Variants in CSMD1 observed in about 807,000 individuals in gnomAD.
CSMD1 encodes the protein CUB and Sushi multiple domains 1.
CSMD1 carries 213 observed loss-of-function variants against 417.5 expected under a neutral mutation model. The ratio of observed to expected loss-of-function variants is 0.51; its 90% CI spans 0.46 to 0.57. The LOEUF is 0.57. CSMD1 is among the 20% of genes least tolerant of loss of function. CSMD1 has a pLI of 0.00. For synonymous variants in CSMD1, 2,862 were observed against 1,736.8 expected (o/e 1.65, Z -16.11); for missense variants, 6,923 against 4,529.7 (o/e 1.53, Z -15.17).
intron 4 of CSMD1, among the ~76,000 whole-genome samples, chr8:4,003,914 G>A (rs1411724698): frequency 1.3e-5 from 2 of 149,250 alleles, no homozygotes; most frequent in South Asian, 2.2e-4. Context: ...TACCAAAAGA[G>A]AAATGTTTTT....
At chr8:3,590,356 C>G (rs1406158691) in intron 8 of CSMD1, among the ~76,000 whole-genome samples, 1 of 151,962 alleles carries the variant, frequency 6.6e-6, no homozygotes, top group Non-Finnish European at 1.5e-5. Flanking sequence ...TCTATTAGAC[C>G]GTTCCTTTCT....
intron 1 of CSMD1, among the ~76,000 whole-genome samples, chr8:4,832,798 A>C (rs1800231368): frequency 6.6e-6 from 1 of 152,188 alleles, no homozygotes; most frequent in Non-Finnish European, 1.5e-5. Context: ...GAGAGCCGAG[A>C]CATTCATCCT....
intron 3 of CSMD1, among the ~76,000 whole-genome samples, chr8:4,192,201 G>C (rs1036243342): frequency 6.6e-6 from 1 of 152,070 alleles, no homozygotes; most frequent in Non-Finnish European, 1.5e-5. Context: ...AAAAATCAAA[G>C]TTAAAACAGC....
rs1585371684 is a variant in CSMD1, at chr8:4,637,531, C to A, written c.113G>T (p.Gly38Val). 2 of 1,613,396 alleles carry A rather than the reference C, an allele frequency of 1.2e-6. No individual in the cohort carries two copies. The highest frequency in any genetic ancestry group is 1.3e-5 in the African/African-American group (1 of 74,834). Residue 38 changes from glycine (G) to valine (V), a missense_variant, in exon 2 of 70, where the codon GGT becomes GTT. Physicochemically the swap from Gly to Val is moderately radical, Grantham distance 109. Transcript: ENST00000635120. Reference sequence around the variant, plus strand: ...TGGGCTCTCAATAGTGCCATTGGGACCCTGGACTAAGCCTCCACAGTTCTG... The same window carrying A: ...TGGGCTCTCAATAGTGCCATTGGGAACCTGGACTAAGCCTCCACAGTTCTG... Reference protein sequence around the residue: ...KGQNCGGLVQGPNGTIESPGF... With the variant: ...KGQNCGGLVQVPNGTIESPGF...
chr8:3,435,667 C>A (rs1404658012), intron 12 of CSMD1, among the ~76,000 whole-genome samples: 1 of 152,178 alleles, frequency 6.6e-6, no homozygotes, highest in African/African-American at 2.4e-5. Flanking sequence ...CACGGTGCCA[C>A]CCACCTTCCG....
At chr8:3,760,742 T>A (rs561868654) in intron 5 of CSMD1, among the ~76,000 whole-genome samples, 1 of 152,242 alleles carries the variant, frequency 6.6e-6, no homozygotes, top group Non-Finnish European at 1.5e-5. Flanking sequence ...AGATTTCTTA[T>A]GTCTTTAGAA....
intron 25 of CSMD1, among the ~76,000 whole-genome samples, chr8:3,293,122 A>T: frequency 6.9e-6 from 1 of 144,306 alleles, no homozygotes; most frequent in Non-Finnish European, 1.5e-5. Context: ...CTGGGTTGAA[A>T]ATTCTTTCTT....
chr8:4,701,825 G>T (rs115777926), intron 1 of CSMD1, among the ~76,000 whole-genome samples: 1 of 152,078 alleles, frequency 6.6e-6, no homozygotes, highest in African/African-American at 2.4e-5. Flanking sequence ...ATTTACTCTG[G>T]ATGAAGAATC....
chr8:3,884,976 C>CATAT (rs150695435), intron 5 of CSMD1, among the ~76,000 whole-genome samples: 2 of 148,084 alleles, frequency 1.4e-5, no homozygotes, highest in African/African-American at 2.5e-5. Context: ...AGGCATCATT[C>CATAT]ATATATATAT....
At chr8:4,476,510 A>G (rs915493933) in intron 2 of CSMD1, among the ~76,000 whole-genome samples, 1 of 152,192 alleles carries the variant, frequency 6.6e-6, no homozygotes, top group Non-Finnish European at 1.5e-5. Flanking sequence ...CATCATCACT[A>G]CTTTTCGGAG....
chr8:4,441,727 T>A (rs1312558988), intron 2 of CSMD1, among the ~76,000 whole-genome samples: 1 of 152,132 alleles, frequency 6.6e-6, no homozygotes, highest in Non-Finnish European at 1.5e-5. Context: ...AGGAGATAAA[T>A]GAAAATTTTT....
intron 7 of CSMD1, among the ~76,000 whole-genome samples, chr8:3,689,290 G>A (rs4307367): frequency 0.79 from 120,010 of 152,042 alleles, 47,538 homozygotes; most frequent in Admixed American, 0.86. Context: ...GGGGCCTGTG[G>A]CTAACATTGG....
At chr8:3,143,178 GTTTAT>G (rs1264231276) in intron 40 of CSMD1, among the ~76,000 whole-genome samples, 42 of 152,240 alleles carry the variant, frequency 2.8e-4, no homozygotes, top group Admixed American at 2.4e-3. Flanking sequence ...GTGTTTGTCT[GTTTAT>G]TTTGTCTGTT....
At chr8:2,954,044 A>T (rs1802827010) in intron 65 of CSMD1, among the ~76,000 whole-genome samples, 180 bp downstream of exon 65, 1 of 152,262 alleles carries the variant, frequency 6.6e-6, no homozygotes, top group African/African-American at 2.4e-5. Context: ...TCATTAACAA[A>T]CCATTGTTGT....
chr8:3,642,601 C>A (rs1456668971), intron 7 of CSMD1, among the ~76,000 whole-genome samples: 1 of 152,060 alleles, frequency 6.6e-6, no homozygotes, highest in East Asian at 1.9e-4. Flanking sequence ...ACAAACCAAA[C>A]GAGAAAACCT....
intron 55 of CSMD1, 58 bp downstream of exon 55, chr8:2,978,554 T>C (rs1287093727): frequency 7.4e-7 from 1 of 1,342,458 alleles, no homozygotes; most frequent in African/African-American, 1.5e-5. Flanking sequence ...CGGAATTTTC[T>C]GCTGATGGTG....
chr8:3,950,567 C>T (rs754905863), intron 5 of CSMD1, among the ~76,000 whole-genome samples: 1 of 152,214 alleles, frequency 6.6e-6, no homozygotes, highest in Non-Finnish European at 1.5e-5. Context: ...GTTCCGCTTG[C>T]CCATAGCAAT....
chr8:4,538,998 T>A (rs555760004), intron 2 of CSMD1, among the ~76,000 whole-genome samples: 1 of 152,310 alleles, frequency 6.6e-6, no homozygotes, highest in African/African-American at 2.4e-5. Flanking sequence ...CCAAAATAAA[T>A]AAAATAACCT....
intron 5 of CSMD1, among the ~76,000 whole-genome samples, chr8:3,849,752 A>G (rs1228058520): frequency 6.6e-6 from 1 of 152,196 alleles, no homozygotes; most frequent in African/African-American, 2.4e-5. Context: ...GCTCTTGTAC[A>G]AATATCTTTT....
Sources: allele counts gnomAD v4.1 joint callset (sites outside exome capture counted in the v4.1 genomes callset), GRCh38; gene constraint gnomAD v4.1.1; transcripts MANE v1.5; gene names NCBI Gene and HGNC (gene_info 2026-07-23, HGNC 2026-07-21).